The following SLC8A3 variants were observed in gnomAD, a reference collection of about 807,000 sequenced individuals.
SLC8A3 encodes sodium/calcium exchanger 3.
A neutral mutation model predicts 65.4 loss-of-function variants in SLC8A3; 37 were observed. That is an observed-to-expected ratio of 0.57 (90% CI 0.44 to 0.74). The LOEUF is 0.74. Among genes scored for constraint, SLC8A3 ranks in the 30% least tolerant of loss-of-function variants. SLC8A3 has a pLI of 0.00. For synonymous variants in SLC8A3, 461 were observed against 444.5 expected (o/e 1.04, Z -0.47); for missense variants, 1,112 against 1,172.1 (o/e 0.95, Z 0.75).
intron 1 of SLC8A3, among the ~76,000 whole-genome samples, chr14:70,178,176 T>A (rs568114406): frequency 1.3e-4 from 20 of 152,234 alleles, no homozygotes; most frequent in South Asian, 1.2e-3. Flanking sequence ...GCTGAAGGAA[T>A]CAACACAAAA....
chr14:70,138,520 A>G (rs1207629921), intron 2 of SLC8A3, among the ~76,000 whole-genome samples: 3 of 152,222 alleles, frequency 2.0e-5, no homozygotes, highest in Non-Finnish European at 2.9e-5. Flanking sequence ...ATTCATCGGA[A>G]TCAAGCAGAT....
intron 2 of SLC8A3, among the ~76,000 whole-genome samples, chr14:70,081,451 C>T (rs889170831): frequency 4.6e-5 from 7 of 152,204 alleles, no homozygotes; most frequent in Admixed American, 2.6e-4. Context: ...TCTGATTCCT[C>T]GAGCTCATTT....
At chr14:70,106,649 AC>A (rs150429087) in intron 2 of SLC8A3, among the ~76,000 whole-genome samples, 5,908 of 152,230 alleles carry the variant, frequency 0.039, 165 homozygotes, top group Middle Eastern at 0.082. Flanking sequence ...TCATGACCTC[AC>A]TAGAGTAAAC....
chr14:70,168,191 T>C lies in SLC8A3; in HGVS notation c.232A>G (p.Ile78Val), dbSNP rs777007884. Residue 78 changes from isoleucine to valine, a missense_variant, in exon 2 of 7, where the codon ATT (isoleucine) becomes GTT (valine). Physicochemically the swap from Ile to Val is conservative, Grantham distance 29. Transcript: ENST00000356921. ...TATATCAGGGCCACAAAATAGACAA[T>C]GACCCTGGCAATCTTGTCCCCAAGG... Reference protein sequence around the residue: ...PSLGDKIARVIVYFVALIYMF... With the variant: ...PSLGDKIARVVVYFVALIYMF... 6 of 1,614,028 alleles carry C rather than the reference T, an allele frequency of 3.7e-6. No homozygotes were observed. The South Asian group carries it at 5.5e-5, about 15-fold the overall frequency.
In SLC8A3 at chr14:70,046,247, G is replaced by A. The variant is rs144234198; in HGVS notation, c.2466C>T (p.Asn822=). The A allele has an allele frequency of 8.1e-6, 13 of 1,614,076 alleles. No homozygotes were observed. In the African/African-American group the frequency reaches 1.1e-4, roughly 13 times the overall value. The change falls in exon 7 of 7, where the codon AAC becomes AAT. Residue 822 remains asparagine, a synonymous_variant. Transcript: ENST00000356921. The surrounding 1 kb of genome is among the most constrained non-coding windows in gnomAD (Gnocchi z 4.2). The stretch of plus-strand genomic sequence containing the variant: ...CGATGCCCAGGAAGACATTGACGGC[G>A]TTGCTGCCCGTCACGTTGCCAATGG... ...DASIGNVTGS[N]AVNVFLGIGL...
chr14:70,185,218 C>T (rs1883097707), intron 1 of SLC8A3, among the ~76,000 whole-genome samples: 1 of 152,198 alleles, frequency 6.6e-6, no homozygotes, highest in South Asian at 2.1e-4. Context: ...CCGCCTGCCT[C>T]GGCCTCCCAA....
intron 2 of SLC8A3, among the ~76,000 whole-genome samples, chr14:70,138,306 T>C (rs567230745): frequency 6.6e-6 from 1 of 152,322 alleles, no homozygotes; most frequent in East Asian, 1.9e-4. Context: ...ATCTTCTTTG[T>C]TCACTGCTGC....
At chr14:70,188,124 A>G (rs1594841772) in intron 1 of SLC8A3, among the ~76,000 whole-genome samples, 1 of 152,092 alleles carries the variant, frequency 6.6e-6, no homozygotes, top group East Asian at 1.9e-4. Flanking sequence ...ACCCTCCTGT[A>G]GACACCCACT....
intron 3 of SLC8A3, chr14:70,055,669 G>T: frequency 1.4e-6 from 1 of 725,792 alleles, no homozygotes; most frequent in Non-Finnish European, 2.2e-6. Context: ...CCCAGTCCTT[G>T]GGAGAAATTG....
chr14:70,166,920 T>G lies in SLC8A3; in HGVS notation c.1503A>C (p.Ala501=), dbSNP rs755439698. 3.7e-6 allele frequency: 6 copies of G among 1,614,106 alleles called. No individual in the cohort carries two copies. The highest frequency in any genetic ancestry group is 1.7e-5 in the Admixed American group (1 of 60,006). ...GAGGCAAGGGAAGACTGTTGAATAT[T>G]GCTGGAGGCATCCCCTCCTCTGGCT... The part of the protein sequence containing the change: ...EEQPEEGMPP[A]IFNSLPLPRA... Residue 501 remains alanine, a synonymous_variant, in exon 2 of 7, where the codon GCA becomes GCC. Coordinates refer to ENST00000356921, the MANE Select transcript of SLC8A3 (RefSeq NM_182932.3).
At chr14:70,099,150 T>C (rs952535509) in intron 2 of SLC8A3, among the ~76,000 whole-genome samples, 4 of 152,220 alleles carry the variant, frequency 2.6e-5, no homozygotes, top group Middle Eastern at 3.2e-3. Context: ...GCACTAATTT[T>C]TCACATCCCG....
At position 70,168,055 on chromosome 14, in the gene SLC8A3, G is replaced by T. The variant is rs1360671916; in HGVS notation, c.368C>A (p.Thr123Lys). ...TTCATTCCAGACCCGAATAGTGGTT[G>T]TGCTGGTTTCTCCATTGGGTTTCTT... The part of the protein sequence containing the change: ...TIKKPNGETS[T>K]TTIRVWNETV... The change falls in exon 2 of 7, where the codon ACA becomes AAA. Residue 123 changes from threonine (T) to lysine (K), a missense_variant. Physicochemically the swap from Thr to Lys is moderately conservative, Grantham distance 78. Coordinates refer to ENST00000356921, the MANE Select transcript of SLC8A3 (RefSeq NM_182932.3). 1.2e-6 allele frequency: 2 copies of T among 1,614,154 alleles called. No homozygotes were observed. The highest frequency in any genetic ancestry group is 1.7e-5 in the Admixed American group (1 of 60,022).
At chr14:70,115,959 G>A (rs958918097) in intron 2 of SLC8A3, among the ~76,000 whole-genome samples, 4 of 152,204 alleles carry the variant, frequency 2.6e-5, no homozygotes, top group South Asian at 4.2e-4. Flanking sequence ...CTCCCAGACC[G>A]TCCCTCCCTC....
At chr14:70,160,966 CGGGCACGGT>C (rs1896847752) in intron 2 of SLC8A3, among the ~76,000 whole-genome samples, 1 of 150,728 alleles carries the variant, frequency 6.6e-6, no homozygotes, top group Admixed American at 6.6e-5. Flanking sequence ...ATAGCATGGT[CGGGCACGGT>C]GGCTCACGCC....
chr14:70,048,492 T>TCA, intron 6 of SLC8A3: 1 of 609,288 alleles, frequency 1.6e-6, no homozygotes, highest in Admixed American at 2.7e-5. Flanking sequence ...ACTTACCCTA[T>TCA]TTAATAGGGC....
At chr14:70,070,280 T>A (rs1252520288) in intron 2 of SLC8A3, among the ~76,000 whole-genome samples, 1 of 152,248 alleles carries the variant, frequency 6.6e-6, no homozygotes, top group African/African-American at 2.4e-5. Flanking sequence ...TCCTCACAAC[T>A]AACCTGTTAG....
chr14:70,163,828 C>A (rs761683900), intron 2 of SLC8A3, among the ~76,000 whole-genome samples: 1 of 152,140 alleles, frequency 6.6e-6, no homozygotes, highest in Non-Finnish European at 1.5e-5. Context: ...CTCCTGGATC[C>A]TAATCTGCCC....
At chr14:70,053,648 T>C (rs1594893170) in intron 3 of SLC8A3, among the ~76,000 whole-genome samples, 1 of 152,346 alleles carries the variant, frequency 6.6e-6, no homozygotes, top group Middle Eastern at 3.4e-3. Flanking sequence ...TACCTATCAA[T>C]CTAGCACTAT....
At chr14:70,109,643 G>A (rs1188895938) in intron 2 of SLC8A3, among the ~76,000 whole-genome samples, 1 of 151,776 alleles carries the variant, frequency 6.6e-6, no homozygotes, top group Non-Finnish European at 1.5e-5. Context: ...TGGTAGGGAT[G>A]GGGTTTCACC....
Sources: gnomAD v4.1 joint callset for allele counts (sites outside exome capture counted in the v4.1 genomes callset) on GRCh38, gnomAD v4.1.1 for gene constraint, Gnocchi (gnomAD v3.1) non-coding constraint, MANE v1.5 for transcripts, NCBI Gene and HGNC (gene_info 2026-07-23, HGNC 2026-07-21) for gene names.